The following ERC2 variants were observed in gnomAD, a reference collection of about 807,000 sequenced individuals.
The protein encoded by ERC2 is ELKS/RAB6-interacting/CAST family member 2.
In ERC2, 42 loss-of-function variants were observed where a neutral mutation model predicts 114.8. That is an observed-to-expected ratio of 0.37 (90% CI 0.29 to 0.47). The LOEUF (loss-of-function observed/expected upper bound fraction) is 0.47. Ranked by LOEUF, ERC2 falls within the 20% of genes least tolerant of loss-of-function variation. ERC2 has a pLI of 0.99. For synonymous variants in ERC2, 454 were observed against 425.5 expected (o/e 1.07, Z -0.82); for missense variants, 939 against 1,150.7 (o/e 0.82, Z 2.66).
intron 13 of ERC2, among the ~76,000 whole-genome samples, chr3:55,911,288 C>T (rs1241879919): frequency 1.3e-5 from 2 of 152,202 alleles, no homozygotes; most frequent in Non-Finnish European, 2.9e-5. Flanking sequence ...TCAAAGATAA[C>T]ATTTGCCACT....
chr3:56,370,295 A>G (rs1479555305), intron 2 of ERC2, among the ~76,000 whole-genome samples: 1 of 152,214 alleles, frequency 6.6e-6, no homozygotes, highest in Non-Finnish European at 1.5e-5. Context: ...CCTGGATGGA[A>G]TACAGATCAT....
intron 6 of ERC2, among the ~76,000 whole-genome samples, chr3:56,093,887 C>T (rs184550782): frequency 1.3e-5 from 2 of 152,122 alleles, no homozygotes; most frequent in Non-Finnish European, 1.5e-5. Context: ...TTCTTTGAAA[C>T]TTTTCTGAGT....
At chr3:56,016,479 A>G (rs1576574676) in intron 8 of ERC2, among the ~76,000 whole-genome samples, 1 of 144,564 alleles carries the variant, frequency 6.9e-6, no homozygotes, top group Admixed American at 7.0e-5. Flanking sequence ...ATGCTTACCC[A>G]TCTTTTTAGA....
chr3:55,837,837 TAAAGATATACACAGATTAAATGTAA>T (rs961702598), intron 14 of ERC2, among the ~76,000 whole-genome samples: 1 of 150,782 alleles, frequency 6.6e-6, no homozygotes, highest in African/African-American at 2.4e-5. Context: ...ACTTCAAATA[TAAAGATATACACAGATTAAATGTAA>T]TAAAAATGGG....
chr3:56,410,570 C>T (rs977050473), intron 2 of ERC2, among the ~76,000 whole-genome samples: 1 of 152,286 alleles, frequency 6.6e-6, no homozygotes, highest in African/African-American at 2.4e-5. Flanking sequence ...GACCAAATAG[C>T]TGGTTAGTGA....
intron 14 of ERC2, among the ~76,000 whole-genome samples, chr3:55,867,667 CGTT>C (rs1186995259): frequency 6.6e-6 from 1 of 152,092 alleles, no homozygotes; most frequent in Non-Finnish European, 1.5e-5. Flanking sequence ...TGAGTAAACT[CGTT>C]CTTCTTTTTG....
intron 2 of ERC2, among the ~76,000 whole-genome samples, chr3:56,429,791 A>T (rs149878077): frequency 6.6e-6 from 1 of 152,266 alleles, no homozygotes; most frequent in Non-Finnish European, 1.5e-5. Flanking sequence ...CTTTGCACAT[A>T]AGAAATTTGG....
intron 13 of ERC2, among the ~76,000 whole-genome samples, chr3:55,934,103 T>A (rs971207709): frequency 6.6e-6 from 1 of 152,200 alleles, no homozygotes; most frequent in Non-Finnish European, 1.5e-5. Flanking sequence ...TATACGCGCA[T>A]ATATACCATA....
intron 14 of ERC2, among the ~76,000 whole-genome samples, chr3:55,830,991 T>C (rs901655835): frequency 6.6e-6 from 1 of 151,568 alleles, no homozygotes; most frequent in Non-Finnish European, 1.5e-5. Context: ...AGTCAATAGA[T>C]AAATTAAAAT....
intron 17 of ERC2, among the ~76,000 whole-genome samples, chr3:55,568,419 A>G (rs951346530): frequency 6.6e-6 from 1 of 152,236 alleles, no homozygotes; most frequent in Non-Finnish European, 1.5e-5. Flanking sequence ...GCTCCGGAAC[A>G]TCATCATTTG....
At chr3:55,938,136 G>T (rs2066569259) in intron 13 of ERC2, among the ~76,000 whole-genome samples, 1 of 152,108 alleles carries the variant, frequency 6.6e-6, no homozygotes, top group African/African-American at 2.4e-5. Flanking sequence ...AGAGAAGCAA[G>T]AACCCAGCCT....
intron 1 of ERC2, chr3:56,467,232 C>CATTG (rs1441776902): frequency 6.6e-6 from 1 of 152,198 alleles, no homozygotes; most frequent in Non-Finnish European, 1.5e-5. Context: ...CTCTCCCGAG[C>CATTG]ATTGATTGGT....
At chr3:55,694,686 C>T (rs975070941) in intron 16 of ERC2, among the ~76,000 whole-genome samples, 2 of 152,098 alleles carry the variant, frequency 1.3e-5, no homozygotes, top group Non-Finnish European at 2.9e-5. Flanking sequence ...GTTTCCAGCC[C>T]CAAAATATTT....
intron 4 of ERC2, among the ~76,000 whole-genome samples, chr3:56,156,794 C>G (rs944520765): frequency 4.6e-5 from 7 of 152,178 alleles, no homozygotes; most frequent in African/African-American, 1.4e-4. Flanking sequence ...CCAACCTGAA[C>G]ACTAACTGCA....
chr3:55,683,665 C>T (rs745622527), intron 17 of ERC2, 129 bp downstream of exon 17: 48 of 748,658 alleles, frequency 6.4e-5, no homozygotes, highest in South Asian at 1.4e-4. Flanking sequence ...GGACATTCTG[C>T]GCTCACAGAA....
In ERC2 at chr3:56,094,428, C is replaced by A. The variant is rs78080269; in HGVS notation, c.1474-13444G>T. Among the ~76,000 whole-genome samples the A allele has an allele frequency of 5.6e-3, 850 of 152,280 alleles. 4 individuals are homozygous for A. Among genetic ancestry groups the A allele is most frequent in the Middle Eastern group, 0.02 (6 of 294 alleles). On this transcript the variant is annotated intron_variant, in intron 6 of 17. Transcript: ENST00000288221. ...AGTGTAGTAGAGCTATGGCTTAAAG[C>A]CCCATCTTCTGGTCCAAAACATACC...
At chr3:56,003,102 G>A (rs1251100206) in intron 10 of ERC2, 1 of 1,289,308 alleles carries the variant, frequency 7.8e-7, no homozygotes, top group South Asian at 1.2e-5. Context: ...GACTTACTGG[G>A]TTGTACATCT....
intron 14 of ERC2, among the ~76,000 whole-genome samples, chr3:55,847,150 T>C (rs1302523117): frequency 6.6e-6 from 1 of 152,156 alleles, no homozygotes; most frequent in African/African-American, 2.4e-5. Flanking sequence ...AGATGTGCCA[T>C]TGGATCAAAG....
At chr3:55,652,944 G>A (rs915797381) in intron 17 of ERC2, among the ~76,000 whole-genome samples, 35 of 150,908 alleles carry the variant, frequency 2.3e-4, no homozygotes, top group African/African-American at 7.1e-4. Context: ...ACAGTTGAGC[G>A]CACTGACTGT....
Sources: gnomAD v4.1 joint callset for allele counts (sites outside exome capture counted in the v4.1 genomes callset) on GRCh38, gnomAD v4.1.1 for gene constraint, MANE v1.5 for transcripts, NCBI Gene and HGNC (gene_info 2026-07-23, HGNC 2026-07-21) for gene names.